NPIPB2: variants seen among roughly 807,000 people sequenced by gnomAD.
NPIPB2 encodes nuclear pore complex-interacting protein family member B2.
NPIPB2 carries 27 observed loss-of-function variants against 30.8 expected under a neutral mutation model. The ratio of observed to expected loss-of-function variants is 0.88; its 90% CI spans 0.65 to 1.21. The LOEUF is 1.21. Among genes scored for constraint, NPIPB2 ranks in the 50% most tolerant of loss-of-function variants. The pLI, the probability that NPIPB2 is intolerant of heterozygous loss-of-function variation, is 0.00. For missense variants in NPIPB2, 440 were observed against 446.2 expected (o/e 0.99, Z 0.13); for synonymous variants, 147 against 162.0 (o/e 0.91, Z 0.70).
At chr16:11,942,574 T>C (rs1317518825), upstream of NPIPB2, among the ~76,000 whole-genome samples, 1 of 152,030 alleles carries the variant, frequency 6.6e-6, no homozygotes, top group African/African-American at 2.4e-5. Flanking sequence ...TGAACCCAAA[T>C]GAGGGGGAGA....
chr16:11,954,725 G>A (rs760089842), intron 1 of NPIPB2, among the ~76,000 whole-genome samples: 2 of 151,892 alleles, frequency 1.3e-5, no homozygotes, highest in East Asian at 3.9e-4. Flanking sequence ...GGCTAACACG[G>A]TGAAACCCTA....
At chr16:11,966,405 C>A (rs1486853977) in intron 1 of NPIPB2, 1 of 1,527,358 alleles carries the variant, frequency 6.5e-7, no homozygotes, top group Non-Finnish European at 8.9e-7. Context: ...GTTTCAGTTC[C>A]TTTTCTTTTT....
rs141584024 is a variant in NPIPB2 at position 11,927,453 on chromosome 16, C to T, written c.1114G>A (p.Ala372Thr). The T allele has an allele frequency of 3.5e-4, 382 of 1,102,886 alleles. 1 individual carries two copies. In the African/African-American group the frequency reaches 8.3e-3, roughly 24 times the overall value. The allele number at this position is 1,102,886 out of a possible 1,614,324, so 68.3% of individuals were successfully genotyped here. The change falls in exon 8 of 8, where the codon GCT becomes ACT. Residue 372 changes from alanine to threonine, a missense_variant. Coordinates refer to ENST00000399147, the Ensembl canonical transcript of NPIPB2. ...TCGGGTGATGATGGTTCCACCTCAGCGGCCCTCCGCCTCTTGGGTTCGGGT... is the reference window on the plus strand; with the variant it reads ...TCGGGTGATGATGGTTCCACCTCAGTGGCCCTCCGCCTCTTGGGTTCGGGT...
chr16:11,951,493 T>G (rs1156633253), intron 1 of NPIPB2, among the ~76,000 whole-genome samples: 3 of 114,702 alleles, frequency 2.6e-5, no homozygotes, highest in Admixed American at 8.6e-5. Context: ...AAAAGAAAAA[T>G]TAACATTACT....
At chr16:11,961,874 G>C (rs1363391207) in intron 1 of NPIPB2, among the ~76,000 whole-genome samples, 1 of 151,806 alleles carries the variant, frequency 6.6e-6, no homozygotes, top group East Asian at 1.9e-4. Context: ...TGAATAGACA[G>C]ACATAAACAG....
Position 11,960,611 on chromosome 16 carries a change from G to A in NPIPB2, c.-584+15957C>T, listed in dbSNP as rs146370746. On this transcript the variant is annotated intron_variant, in intron 1 of 5. Coordinates refer to the NPIPB2 transcript ENST00000538896. ...GACCTCAGGTTATCCGCCCTCCTCA[G>A]CCTCCCAAAGTGCTGGGATTACAGG... Among the ~76,000 whole-genome samples the A allele has an allele frequency of 1.2e-4, 18 of 152,130 alleles. No homozygotes were observed. In the East Asian group the frequency reaches 3.5e-3, roughly 29 times the overall value.
At chr16:11,972,473 T>A (rs749936121) in intron 1 of NPIPB2, among the ~76,000 whole-genome samples, 1 of 146,254 alleles carries the variant, frequency 6.8e-6, no homozygotes, top group African/African-American at 2.5e-5. Context: ...TACTTTGGAG[T>A]GTGAGGCACA....
chr16:11,946,114 G>A (rs1239204822), upstream of NPIPB2, among the ~76,000 whole-genome samples: 1 of 151,880 alleles, frequency 6.6e-6, no homozygotes, highest in Admixed American at 6.6e-5. Context: ...AGCTGGGCAT[G>A]GTGGCTTATA....
At chr16:11,953,856 A>C (rs1275526491) in intron 1 of NPIPB2, among the ~76,000 whole-genome samples, 1 of 150,052 alleles carries the variant, frequency 6.7e-6, no homozygotes, top group Non-Finnish European at 1.5e-5. Flanking sequence ...TTGTATTTTT[A>C]GTAGAGACGG....
chr16:11,973,815 A>G (rs1198437183), intron 1 of NPIPB2, among the ~76,000 whole-genome samples: 1 of 152,132 alleles, frequency 6.6e-6, no homozygotes, highest in Non-Finnish European at 1.5e-5. Flanking sequence ...CAAGGCTACA[A>G]AAAGAATGAG....
chr16:11,958,624 C>T (rs11075035), intron 1 of NPIPB2, among the ~76,000 whole-genome samples: 20,833 of 151,924 alleles, frequency 0.14, 2,286 homozygotes, highest in African/African-American at 0.28. Flanking sequence ...GCCTGCAGTC[C>T]CGGCTACTCA....
chr16:11,939,103 G>C (rs577112563), intron 1 of NPIPB2, among the ~76,000 whole-genome samples: 1 of 151,688 alleles, frequency 6.6e-6, no homozygotes, highest in Non-Finnish European at 1.5e-5. Context: ...GTATAACATT[G>C]GATGCATTTA....
intron 1 of NPIPB2, among the ~76,000 whole-genome samples, chr16:11,974,584 G>T (rs886981352): frequency 1.3e-5 from 2 of 152,020 alleles, no homozygotes; most frequent in Non-Finnish European, 2.9e-5. Context: ...TTCAGCATTA[G>T]AGGAAAAAAA....
At chr16:11,943,411 G>C (rs1424462761), upstream of NPIPB2, among the ~76,000 whole-genome samples, 4 of 151,056 alleles carry the variant, frequency 2.6e-5, no homozygotes, top group Non-Finnish European at 5.9e-5. Flanking sequence ...CCATGTTCCA[G>C]CCCTAGATTT....
rs116253580 is a variant in NPIPB2 at position 11,972,238 on chromosome 16, G to A, written c.-584+4330C>T. 5.6e-3 allele frequency among the ~76,000 whole-genome samples: 853 copies of A among 152,284 alleles called. 14 individuals carry two copies. The highest frequency in any genetic ancestry group is 0.02 in the African/African-American group (824 of 41,564). ...TTCTGTCATGCCAATGAAGCCTCCAGGTGGCAGGCTTCAGAAAATAGATTG... is the reference window on the plus strand; with the variant it reads ...TTCTGTCATGCCAATGAAGCCTCCAAGTGGCAGGCTTCAGAAAATAGATTG... On this transcript the variant is annotated intron_variant, in intron 1 of 5. Coordinates refer to the NPIPB2 transcript ENST00000538896.
chr16:11,934,135 G>A (rs1359031973), intron 2 of NPIPB2, among the ~76,000 whole-genome samples: 1 of 151,518 alleles, frequency 6.6e-6, no homozygotes, highest in Non-Finnish European at 1.5e-5. Context: ...GGAGGCTGAG[G>A]CAGAGAACCG....
rs571909642 is a variant in NPIPB2, at chr16:11,933,659, T to C, written c.346A>G (p.Asn116Asp). The C allele has an allele frequency of 3.8e-5, 61 of 1,596,884 alleles. No homozygotes were observed. The African/African-American group carries it at 7.7e-4, about 20-fold the overall frequency. ...ATGACGTCTTTCAGGCCAATTTTAT[T>C]TCCTGGAAAGGAAGAAACTCTTTTC... Residue 116 changes from asparagine to aspartate, a missense_variant, in exon 4 of 8, where the codon AAT becomes GAT. Asn to Asp is a conservative substitution (Grantham distance 23). Around this residue, in one of 3 missense-constraint regions of NPIPB2, gnomAD observed 252 missense variants for 233.0 expected, o/e 1.08. Coordinates refer to ENST00000399147, the Ensembl canonical transcript of NPIPB2.
At chr16:11,959,204 G>C (rs551143621) in intron 1 of NPIPB2, among the ~76,000 whole-genome samples, 1 of 151,982 alleles carries the variant, frequency 6.6e-6, no homozygotes, top group Non-Finnish European at 1.5e-5. Flanking sequence ...TCTATGTCAC[G>C]CAAGGGCAAA....
chr16:11,928,055 C>T (rs1422170502), intron 7 of NPIPB2, among the ~76,000 whole-genome samples, 176 bp from the exon 8 acceptor site: 4 of 92,434 alleles, frequency 4.3e-5, no homozygotes, highest in Admixed American at 2.9e-4. Context: ...TGAGTACTGC[C>T]AACAGCTGGA....
Sources: gnomAD v4.1 joint callset for allele counts (sites outside exome capture counted in the v4.1 genomes callset) on GRCh38, gnomAD v4.1.1 for gene constraint, gnomAD v4.1.1 regional missense constraint, MANE v1.5 for transcripts, NCBI Gene and HGNC (gene_info 2026-07-23, HGNC 2026-07-21) for gene names.